Variants in CFAP20DC observed in about 807,000 individuals in gnomAD.
The protein encoded by CFAP20DC is protein CFAP20DC.
CFAP20DC carries 84 observed loss-of-function variants against 101.7 expected under a neutral mutation model. The observed-to-expected ratio is 0.83, with a 90% CI of 0.69 to 0.99. The LOEUF (loss-of-function observed/expected upper bound fraction) is 0.99, where lower values mean the gene tolerates loss of function less well. Ranked by LOEUF, CFAP20DC falls within the 50% of genes least tolerant of loss-of-function variation. The probability of loss-of-function intolerance (pLI) is 0.00; values close to 1 mark genes in which losing one functional copy is unlikely to be tolerated. For missense variants in CFAP20DC, 1,007 were observed against 970.3 expected, an observed-to-expected ratio of 1.04 and a Z score of -0.50; for synonymous variants, 359 against 351.2, an observed-to-expected ratio of 1.02 and a Z score of -0.25.
downstream of CFAP20DC, among the ~76,000 whole-genome samples, chr3:58,738,001 T>C (rs1375273156): frequency 1.3e-5 from 2 of 152,210 alleles, no homozygotes; most frequent in Non-Finnish European, 2.9e-5. The surrounding 1 kb of genome is among the most constrained non-coding windows in gnomAD (Gnocchi z 4.4). Context: ...ATCTTGATTG[T>C]CCTTTCTAGG....
At chr3:58,961,387 C>T (rs2091122070) in intron 4 of CFAP20DC, among the ~76,000 whole-genome samples, 1 of 152,132 alleles carries the variant, frequency 6.6e-6, no homozygotes, top group Non-Finnish European at 1.5e-5. Context: ...AACCCCGTCT[C>T]TACTAAAAGT....
intron 14 of CFAP20DC, among the ~76,000 whole-genome samples, chr3:58,812,268 C>T (rs1006012938): frequency 9.2e-5 from 14 of 152,010 alleles, no homozygotes; most frequent in South Asian, 2.1e-4. Context: ...ATGTTTATTG[C>T]GGCTCTATTC....
intron 15 of CFAP20DC, among the ~76,000 whole-genome samples, chr3:58,768,501 A>G (rs2070540831): frequency 6.6e-6 from 1 of 152,280 alleles, no homozygotes; most frequent in African/African-American, 2.4e-5. Flanking sequence ...GGGATACCTT[A>G]CTAAGTCTTA....
At chr3:58,842,688 T>A (rs2077242479) in intron 13 of CFAP20DC, among the ~76,000 whole-genome samples, 1 of 152,226 alleles carries the variant, frequency 6.6e-6, no homozygotes, top group South Asian at 2.1e-4. Flanking sequence ...TGCCTGCCAC[T>A]GTAGGCTCCA....
intron 15 of CFAP20DC, among the ~76,000 whole-genome samples, chr3:58,771,971 G>A (rs1227456588): frequency 6.6e-6 from 1 of 152,084 alleles, no homozygotes; most frequent in Non-Finnish European, 1.5e-5. Context: ...TTAACATCAA[G>A]TAAAATTTGC....
rs533862372 is a variant in CFAP20DC, at chr3:58,718,054, C to G, written c.198-426G>C. ...GTTTATCCATTCATACTTTGATCCA[C>G]TACTTATTGGAGGCCAATTTTGTGC... On this transcript the variant is annotated intron_variant, in intron 3 of 3. Coordinates refer to the CFAP20DC transcript ENST00000486145. Among the ~76,000 whole-genome samples the G allele has an allele frequency of 3.3e-5, 5 of 152,338 alleles. No individual in the cohort carries two copies. The South Asian group carries it at 1.0e-3, about 32-fold the overall frequency.
rs540161454 is a variant in CFAP20DC, at chr3:58,814,582, T to C, written c.2176-8126A>G. On this transcript the variant is annotated intron_variant, in intron 14 of 16. Coordinates refer to ENST00000482387, the MANE Select transcript of CFAP20DC (RefSeq NM_001394063.1). ...AAGTCAAATTGTCTCTGTTTGCAGA[T>C]GACATGATTGTATATCTAGAAAACC... is the stretch of plus-strand genomic sequence containing the variant. 1.9e-4 allele frequency among the ~76,000 whole-genome samples: 29 copies of C among 151,486 alleles called. No individual in the cohort carries two copies. The South Asian group carries it at 3.5e-3, about 18-fold the overall frequency.
chr3:59,009,313 TG>T (rs1353427466), intron 4 of CFAP20DC, among the ~76,000 whole-genome samples: 1 of 151,924 alleles, frequency 6.6e-6, no homozygotes, highest in East Asian at 1.9e-4. Flanking sequence ...TCCCCAGCAA[TG>T]GATTGAAGTA....
chr3:58,834,874 T>G (rs1431495777), intron 13 of CFAP20DC, among the ~76,000 whole-genome samples: 1 of 152,110 alleles, frequency 6.6e-6, no homozygotes, highest in Non-Finnish European at 1.5e-5. Context: ...GCACAAACAT[T>G]TTAAAATAGT....
chr3:58,824,372 C>T (rs1000080722), intron 14 of CFAP20DC: 4 of 152,026 alleles, frequency 2.6e-5, no homozygotes, highest in African/African-American at 4.8e-5. Context: ...GGAACAGATC[C>T]CAGAAACTCA....
chr3:59,019,664 A>G (rs948506097), intron 4 of CFAP20DC, among the ~76,000 whole-genome samples: 1 of 152,094 alleles, frequency 6.6e-6, no homozygotes, highest in African/African-American at 2.4e-5. Context: ...ATAACTACCT[A>G]ATTTATAAAA....
intron 14 of CFAP20DC, among the ~76,000 whole-genome samples, chr3:58,821,114 C>A (rs1210289159): frequency 6.6e-6 from 1 of 151,746 alleles, no homozygotes; most frequent in Non-Finnish European, 1.5e-5. Context: ...AAACTGGATC[C>A]CTTCCTTACA....
At chr3:58,838,906 G>T (rs1400334902) in intron 13 of CFAP20DC, among the ~76,000 whole-genome samples, 1 of 151,976 alleles carries the variant, frequency 6.6e-6, no homozygotes, top group African/African-American at 2.4e-5. Context: ...CCATCTACAG[G>T]GCAACTATAG....
chr3:58,901,086 G>A (rs554065526), intron 6 of CFAP20DC, among the ~76,000 whole-genome samples: 2 of 152,184 alleles, frequency 1.3e-5, no homozygotes, highest in East Asian at 1.9e-4. Flanking sequence ...ACTCATCTAC[G>A]TTCATCTTAT....
At chr3:58,842,190 G>T (rs1006852832) in intron 13 of CFAP20DC, among the ~76,000 whole-genome samples, 1 of 151,774 alleles carries the variant, frequency 6.6e-6, no homozygotes, top group African/African-American at 2.4e-5. Flanking sequence ...AACAGCTCCG[G>T]TCTACAGCTC....
intron 12 of CFAP20DC, among the ~76,000 whole-genome samples, chr3:58,852,296 A>C (rs2108340954): frequency 6.6e-6 from 1 of 152,236 alleles, no homozygotes; most frequent in South Asian, 2.1e-4. Flanking sequence ...TAACTATCCT[A>C]AATATATATG....
At chr3:59,027,022 G>C in intron 4 of CFAP20DC, among the ~76,000 whole-genome samples, 1 of 152,140 alleles carries the variant, frequency 6.6e-6, no homozygotes, top group South Asian at 2.1e-4. Context: ...AAAAGAGTTA[G>C]CATTACCATT....
chr3:58,821,555 C>G (rs1575763225), intron 14 of CFAP20DC, among the ~76,000 whole-genome samples: 1 of 150,488 alleles, frequency 6.6e-6, no homozygotes, highest in Non-Finnish European at 1.5e-5. Context: ...TGCTCATCAT[C>G]ACTGGCCATC....
rs565096112 is a variant in CFAP20DC at position 58,816,296 on chromosome 3, G to A, written c.2176-9840C>T. On this transcript the variant is annotated intron_variant, in intron 14 of 16. Transcript: ENST00000482387. ...AACACCGCGGGGAGGAGCCAAGATG[G>A]CCGAATAGGAACAGCTCTGGTCTAC... Among the ~76,000 whole-genome samples the A allele has an allele frequency of 4.6e-5, 7 of 152,270 alleles. No individual in the cohort carries two copies. In the Middle Eastern group the frequency reaches 0.01, roughly 223 times the overall value.
Sources: gnomAD v4.1 joint callset for allele counts (sites outside exome capture counted in the v4.1 genomes callset) on GRCh38, gnomAD v4.1.1 for gene constraint, Gnocchi (gnomAD v3.1) non-coding constraint, MANE v1.5 for transcripts, NCBI Gene and HGNC (gene_info 2026-07-23, HGNC 2026-07-21) for gene names.